The following GSE1 variants were observed in gnomAD, a reference collection of about 807,000 sequenced individuals.
GSE1 encodes the protein Gse1 coiled-coil protein, also known as genetic suppressor element 1.
GSE1 carries 32 observed loss-of-function variants against 112.6 expected under a neutral mutation model. The ratio of observed to expected loss-of-function variants is 0.28; its 90% CI spans 0.21 to 0.38. The LOEUF (loss-of-function observed/expected upper bound fraction) is 0.38, where lower values mean the gene tolerates loss of function less well. Among genes scored for constraint, GSE1 ranks in the 10% least tolerant of loss-of-function variants. The pLI is 1.00. For missense variants in GSE1, 2,348 were observed against 1,699.2 expected, an observed-to-expected ratio of 1.38 and a Z score of -6.71; for synonymous variants, 1,115 against 735.6, an observed-to-expected ratio of 1.52 and a Z score of -8.35.
intron 2 of GSE1, among the ~76,000 whole-genome samples, chr16:85,426,027 A>ATGGT (rs2048969848): frequency 9.8e-6 from 1 of 101,554 alleles, no homozygotes; most frequent in African/African-American, 3.6e-5. Flanking sequence ...TGAATGGAAA[A>ATGGT]TGGATGGATG....
intron 2 of GSE1, chr16:85,489,926 C>A (rs1323795031): frequency 1.3e-5 from 2 of 152,202 alleles, no homozygotes; most frequent in African/African-American, 4.8e-5. Context: ...GCCACAGCCA[C>A]GCAGCGCCCA....
chr16:85,221,059 C>T (rs373235816), intron 1 of GSE1, among the ~76,000 whole-genome samples: 9 of 151,898 alleles, frequency 5.9e-5, no homozygotes, highest in East Asian at 2.0e-4. Context: ...CGAGACCCTG[C>T]GGCTGGGAAA....
intron 1 of GSE1, among the ~76,000 whole-genome samples, chr16:85,206,224 T>G (rs530284069): frequency 6.7e-6 from 1 of 149,000 alleles, no homozygotes; most frequent in Non-Finnish European, 1.5e-5. Context: ...GCGCCGGGTG[T>G]GGTGGGAAGA....
intron 1 of GSE1, among the ~76,000 whole-genome samples, chr16:85,227,847 G>A (rs368347763): frequency 1.3e-5 from 2 of 152,196 alleles, no homozygotes; most frequent in Non-Finnish European, 2.9e-5. Flanking sequence ...CATGCCGACC[G>A]GGGGATACAG....
At chr16:85,575,901 T>C (rs2046208405) in intron 1 of GSE1, among the ~76,000 whole-genome samples, 2 of 142,684 alleles carry the variant, frequency 1.4e-5, no homozygotes, top group African/African-American at 6.0e-5. Context: ...GCCTCGTTTC[T>C]GTTTTTTTTT....
At chr16:85,187,616 C>T (rs2074733275) in intron 1 of GSE1, among the ~76,000 whole-genome samples, 1 of 151,926 alleles carries the variant, frequency 6.6e-6, no homozygotes, top group Non-Finnish European at 1.5e-5. Flanking sequence ...TGCTCTTGAC[C>T]GGGAGATGGC....
At chr16:85,378,045 C>T (rs2047460209) in intron 2 of GSE1, among the ~76,000 whole-genome samples, 1 of 152,184 alleles carries the variant, frequency 6.6e-6, no homozygotes. Context: ...GTGGATTTTT[C>T]TGGGAATGGC....
chr16:85,661,091 G>C, intron 8 of GSE1, 55 bp from the exon 9 acceptor site: 1 of 1,501,808 alleles, frequency 6.7e-7, no homozygotes, highest in Non-Finnish European at 8.9e-7. Context: ...AGGGAAGCCT[G>C]TGGATGACTG....
At chr16:85,485,638 G>A (rs993154982) in intron 2 of GSE1, among the ~76,000 whole-genome samples, 2 of 152,364 alleles carry the variant, frequency 1.3e-5, no homozygotes, top group Admixed American at 6.5e-5. Context: ...AGCCTTCCTC[G>A]GATTAAAGCC....
At chr16:85,448,887 C>T (rs760049331) in intron 2 of GSE1, among the ~76,000 whole-genome samples, 32 of 152,240 alleles carry the variant, frequency 2.1e-4, no homozygotes, top group Non-Finnish European at 3.2e-4. Flanking sequence ...CTGTGAACTC[C>T]GGTTTTGGGT....
At chr16:85,480,891 G>C (rs2050656675) in intron 2 of GSE1, among the ~76,000 whole-genome samples, 1 of 152,224 alleles carries the variant, frequency 6.6e-6, no homozygotes, top group African/African-American at 2.4e-5. Flanking sequence ...CTCCGGAGCA[G>C]CTGGGCTCCA....
rs138747152 is a variant in GSE1 at position 85,459,669 on chromosome 16, G to A, written c.2464+102026G>A. Among the ~76,000 whole-genome samples, 51 of 152,304 alleles carry A rather than the reference G, an allele frequency of 3.3e-4. No individual in the cohort carries two copies. The East Asian group carries it at 6.7e-3, about 20-fold the overall frequency. On this transcript the variant is annotated intron_variant, in intron 2 of 2. Transcript: ENST00000637419. ...GCCAAGGGCTGGATTAGAGGTAGAG[G>A]ACTCCACGGAGTCACTGAACCCAGT...
At chr16:85,652,537 A>G (rs1197490868) in intron 3 of GSE1, among the ~76,000 whole-genome samples, 2 of 145,458 alleles carry the variant, frequency 1.4e-5, no homozygotes, top group Non-Finnish European at 3.0e-5. Flanking sequence ...CCTCTCATTG[A>G]AGATTCCAGG....
At chr16:85,173,254 G>T (rs1285758102) in intron 1 of GSE1, among the ~76,000 whole-genome samples, 2 of 152,244 alleles carry the variant, frequency 1.3e-5, no homozygotes, top group Non-Finnish European at 1.5e-5. Flanking sequence ...CCAAGACTCA[G>T]ATAAGTCAGA....
rs940294622 is a variant in GSE1, at chr16:85,419,875, C to T, written c.2464+62232C>T. On this transcript the variant is annotated intron_variant, in intron 2 of 2. Coordinates refer to the GSE1 transcript ENST00000637419. This position sits in a 1 kb window ranked among gnomAD's most constrained non-coding sequence, Gnocchi z 6.5. ...GGGCAGCCAGGGCTGACCACCACTGCTCTGGGAGGGTCAGAGTCGGGGGGA... is the reference window on the plus strand; with the variant it reads ...GGGCAGCCAGGGCTGACCACCACTGTTCTGGGAGGGTCAGAGTCGGGGGGA... 6.6e-6 allele frequency among the ~76,000 whole-genome samples: 1 copy of T among 152,046 alleles called. No individual in the cohort carries two copies. The highest frequency in any genetic ancestry group is 2.4e-5 in the African/African-American group (1 of 41,406).
At chr16:85,323,111 G>A (rs1404808015) in intron 1 of GSE1, among the ~76,000 whole-genome samples, 1 of 152,242 alleles carries the variant, frequency 6.6e-6, no homozygotes, top group South Asian at 2.1e-4. Context: ...CTGACCGTTT[G>A]TGGTTCGTGG....
intron 1 of GSE1, among the ~76,000 whole-genome samples, chr16:85,568,910 C>G (rs2045868609): frequency 6.6e-6 from 1 of 152,206 alleles, no homozygotes; most frequent in African/African-American, 2.4e-5. Context: ...GAAGCTCCCA[C>G]TTCTCTGCCT....
At chr16:85,474,045 AGAG>A (rs2050376908) in intron 2 of GSE1, among the ~76,000 whole-genome samples, 2 of 152,246 alleles carry the variant, frequency 1.3e-5, no homozygotes, top group Non-Finnish European at 2.9e-5. Flanking sequence ...GGCTCCCAGC[AGAG>A]GAGAAACATG....
At chr16:85,634,923 G>T (rs890768922) in intron 2 of GSE1, among the ~76,000 whole-genome samples, 7 of 152,048 alleles carry the variant, frequency 4.6e-5, no homozygotes, top group South Asian at 2.1e-4. Flanking sequence ...TTCTGGCCTC[G>T]GACACCCTCT....
Sources: gnomAD v4.1 joint callset for allele counts (sites outside exome capture counted in the v4.1 genomes callset) on GRCh38, gnomAD v4.1.1 for gene constraint, Gnocchi (gnomAD v3.1) non-coding constraint, MANE v1.5 for transcripts, NCBI Gene and HGNC (gene_info 2026-07-23, HGNC 2026-07-21) for gene names.